URI1: variants seen among roughly 807,000 people sequenced by gnomAD.
URI1 encodes the protein unconventional prefoldin RPB5 interactor 1.
Under a neutral mutation model 60.2 loss-of-function variants are expected in URI1, and 39 were observed. The ratio of observed to expected loss-of-function variants is 0.65; its 90% CI spans 0.50 to 0.85. The LOEUF (loss-of-function observed/expected upper bound fraction) is 0.85. Ranked by LOEUF, URI1 falls within the 40% of genes least tolerant of loss-of-function variation. URI1 has a pLI of 0.00. For missense variants in URI1, 691 were observed against 665.9 expected (o/e 1.04, Z -0.42); for synonymous variants, 251 against 236.8 (o/e 1.06, Z -0.55).
upstream of URI1, among the ~76,000 whole-genome samples, chr19:29,940,607 C>A (rs1216917100): frequency 1.3e-5 from 2 of 152,054 alleles, no homozygotes; most frequent in African/African-American, 4.8e-5. Context: ...CAAGATGGCA[C>A]CATTGCACTC....
At chr19:29,978,315 C>T (rs985143415) in intron 2 of URI1, among the ~76,000 whole-genome samples, 10 of 152,074 alleles carry the variant, frequency 6.6e-5, no homozygotes, top group East Asian at 1.9e-4. Flanking sequence ...TCCTTGATGA[C>T]GACGTGTTTC....
In URI1 at chr19:30,009,032, A is replaced by G. The variant is rs1568446448; in HGVS notation, c.714A>G (p.Gly238=). Residue 238 remains glycine, a synonymous_variant, in exon 8 of 11, where the codon GGA becomes GGG. Transcript: ENST00000392271. ...DSKPDTVIAN[G]EDTTSSEEEK... ...AGCCTGATACTGTGATTGCAAATGG[A>G]GAAGATACGACATCTTCTGAAGAGG... The G allele has an allele frequency of 6.2e-7, 1 of 1,611,814 alleles. No homozygotes were observed. The highest frequency in any genetic ancestry group is 2.2e-5 in the East Asian group (1 of 44,808).
Position 30,007,494 on chromosome 19 carries a change from C to A in URI1, c.542C>A (p.Pro181Gln). ...FKAKHRIAHK[P>Q]HSKPKTSDIF... ...GCAAAACACCGAATTGCTCATAAAC[C>A]GCATTCCAAACCAAAAACTTCAGAT... is the stretch of plus-strand genomic sequence containing the variant. Residue 181 changes from proline (P) to glutamine (Q), a missense_variant, in exon 7 of 11, where the codon CCG (proline) becomes CAG (glutamine). Coordinates refer to ENST00000392271, the MANE Select transcript of URI1 (RefSeq NM_003796.3). 6.2e-7 allele frequency: 1 copy of A among 1,612,898 alleles called. No individual in the cohort carries two copies. The highest frequency in any genetic ancestry group is 8.5e-7 in the Non-Finnish European group (1 of 1,179,322).
intron 1 of URI1, among the ~76,000 whole-genome samples, chr19:29,970,646 C>T (rs1456044725): frequency 6.6e-6 from 1 of 152,002 alleles, no homozygotes; most frequent in Non-Finnish European, 1.5e-5. Context: ...CTGTTCAGAG[C>T]ATCTCCTTAT....
chr19:29,940,961 C>A (rs2145216065), upstream of URI1, among the ~76,000 whole-genome samples: 1 of 152,286 alleles, frequency 6.6e-6, no homozygotes, highest in Non-Finnish European at 1.5e-5. Context: ...CAGGTCCTGG[C>A]TGTTCCAGAG....
chr19:29,984,792 G>A (rs1430392288), intron 2 of URI1, among the ~76,000 whole-genome samples: 1 of 152,014 alleles, frequency 6.6e-6, no homozygotes, highest in East Asian at 1.9e-4. Flanking sequence ...ACAGGCGTGA[G>A]CCACCACACA....
chr19:29,966,328 G>C (rs2055390927), intron 1 of URI1, among the ~76,000 whole-genome samples: 2 of 152,098 alleles, frequency 1.3e-5, no homozygotes, highest in Admixed American at 1.3e-4. Context: ...TGGTAGAGAC[G>C]GGGTTTCACC....
At chr19:29,925,240 T>C (rs947775966) in intron 1 of URI1, among the ~76,000 whole-genome samples, 2 of 152,272 alleles carry the variant, frequency 1.3e-5, no homozygotes, top group African/African-American at 4.8e-5. Context: ...TGGTTAATAA[T>C]GTCTTCATGT....
chr19:29,985,297 T>TAATG lies in URI1; in HGVS notation c.228_231dup (p.Val78AsnfsTer18). On this transcript the variant is annotated frameshift_variant, in exon 3 of 11. Transcript: ENST00000392271. LOFTEE classifies it high-confidence loss of function. ...TTGCCTGATAAATTGTCTTATAATA[T>TAATG]AATGGTATGTTTGGTGTGTTTCTTT... The TAATG allele has an allele frequency of 1.2e-6, 2 of 1,609,252 alleles. No individual in the cohort carries two copies. Among genetic ancestry groups the TAATG allele is most frequent in the Non-Finnish European group, 1.7e-6 (2 of 1,176,466 alleles).
At chr19:29,965,779 A>G (rs1020362231) in intron 1 of URI1, among the ~76,000 whole-genome samples, 1 of 152,106 alleles carries the variant, frequency 6.6e-6, no homozygotes, top group Non-Finnish European at 1.5e-5. Context: ...ATAGTGAGTA[A>G]TGATTACTGA....
chr19:30,007,375 T>C, intron 6 of URI1, 95 bp from the exon 7 acceptor site: 1 of 1,387,738 alleles, frequency 7.2e-7, no homozygotes, highest in South Asian at 1.4e-5. Context: ...TGTTTCAATA[T>C]TTCCCTTGCC....
At chr19:29,931,841 A>G (rs1218628888) in intron 1 of URI1, among the ~76,000 whole-genome samples, 1 of 151,656 alleles carries the variant, frequency 6.6e-6, no homozygotes, top group Non-Finnish European at 1.5e-5. Flanking sequence ...ATATCCTACT[A>G]TATAGAAACT....
intron 2 of URI1, among the ~76,000 whole-genome samples, chr19:29,977,630 T>C (rs1425170237): frequency 6.6e-6 from 1 of 151,390 alleles, no homozygotes; most frequent in Non-Finnish European, 1.5e-5. Context: ...TTGCATGTTT[T>C]TGTTGTTGGA....
intron 1 of URI1, chr19:29,957,132 T>A: frequency 2.4e-6 from 1 of 420,470 alleles, no homozygotes; most frequent in South Asian, 2.4e-5. Flanking sequence ...ACAATTTATG[T>A]TTTGAAATTT....
intron 10 of URI1, among the ~76,000 whole-genome samples, chr19:30,013,760 G>A (rs146541706): frequency 6.6e-6 from 1 of 152,050 alleles, no homozygotes; most frequent in African/African-American, 2.4e-5. Flanking sequence ...TTTTTCAAAG[G>A]CATTTTAAAT....
chr19:29,967,861 G>C (rs2055408847), intron 1 of URI1, among the ~76,000 whole-genome samples: 1 of 152,164 alleles, frequency 6.6e-6, no homozygotes, highest in Non-Finnish European at 1.5e-5. Flanking sequence ...TCTGAATACA[G>C]GTTTCCTCTC....
At chr19:29,997,046 TA>T (rs1217148106) in intron 4 of URI1, among the ~76,000 whole-genome samples, 1 of 152,202 alleles carries the variant, frequency 6.6e-6, no homozygotes, top group Non-Finnish European at 1.5e-5. Context: ...TGTATATTCA[TA>T]AGAGAAATTA....
chr19:29,961,233 A>T (rs896432780), intron 1 of URI1, among the ~76,000 whole-genome samples: 26 of 148,150 alleles, frequency 1.8e-4, no homozygotes, highest in Admixed American at 6.7e-5. Context: ...CGTAATTACC[A>T]TCCATCTCCA....
intron 1 of URI1, 147 bp downstream of exon 1, chr19:29,942,811 C>T: frequency 9.3e-7 from 1 of 1,069,794 alleles, no homozygotes; most frequent in Non-Finnish European, 1.2e-6. Flanking sequence ...CTTCTGTTGT[C>T]TTTGTCTGCA....
Sources: allele counts gnomAD v4.1 joint callset (sites outside exome capture counted in the v4.1 genomes callset), GRCh38; gene constraint gnomAD v4.1.1; transcripts MANE v1.5; gene names NCBI Gene and HGNC (gene_info 2026-07-23, HGNC 2026-07-21).